The following PHF7 variants were observed in gnomAD, a reference collection of about 807,000 sequenced individuals.
The protein encoded by PHF7 is PHD finger protein 7, also known as E3 ubiquitin-protein ligase PHF7.
In PHF7, 24 loss-of-function variants were observed where a neutral mutation model predicts 47.5. The ratio of observed to expected loss-of-function variants is 0.51; its 90% CI spans 0.37 to 0.71. The LOEUF is 0.71. PHF7 is among the 30% of genes least tolerant of loss of function. The pLI is 0.00. For synonymous variants in PHF7, 156 were observed against 153.8 expected, an observed-to-expected ratio of 1.01 and a Z score of -0.11; for missense variants, 361 against 456.8, an observed-to-expected ratio of 0.79 and a Z score of 1.91.
At chr3:52,412,724 G>A in intron 1 of PHF7, 87 bp from the exon 2 acceptor site, 1 of 642,818 alleles carries the variant, frequency 1.6e-6, no homozygotes, top group Non-Finnish European at 2.8e-6. Context: ...GGGTTGGGAG[G>A]TGAAGTGCAC....
chr3:52,413,168 C>T (rs1217945001), intron 2 of PHF7, among the ~76,000 whole-genome samples: 1 of 152,160 alleles, frequency 6.6e-6, no homozygotes, highest in African/African-American at 2.4e-5. Context: ...TGACAGAAGG[C>T]ACTACATTTC....
intron 2 of PHF7, 103 bp from the exon 3 acceptor site, chr3:52,413,893 G>C: frequency 1.3e-6 from 1 of 751,478 alleles, no homozygotes; most frequent in Non-Finnish European, 2.4e-6. Flanking sequence ...TAGATATGTT[G>C]GTCCTTCATC....
intron 5 of PHF7, 183 bp from the exon 6 acceptor site, chr3:52,420,128 A>G: frequency 1.2e-6 from 1 of 805,522 alleles, no homozygotes; most frequent in Non-Finnish European, 2.2e-6. Flanking sequence ...ACATCTTGAG[A>G]AAATAGGAAA....
chr3:52,423,347 A>C lies in PHF7; in HGVS notation c.*30A>C. 7.0e-7 allele frequency: 1 copy of C among 1,420,954 alleles called. No homozygotes were observed. The highest frequency in any genetic ancestry group is 9.9e-7 in the Non-Finnish European group (1 of 1,009,136). The allele number at this position is 1,420,954 out of a possible 1,614,324, so 88.0% of individuals were successfully genotyped here. A position where few individuals can be genotyped will look rare whatever the true frequency, so the allele number is the denominator to read the frequency against. ...TTCTGAGTAGCTGCTGTCCCACACA[A>C]TAGGGTATGAAGCTGCGCTCCTCCA... On this transcript the variant is annotated 3_prime_UTR_variant, in exon 11 of 11. Coordinates refer to ENST00000327906, the MANE Select transcript of PHF7 (RefSeq NM_016483.7).
At position 52,410,914 on chromosome 3, in the gene PHF7, C is replaced by G. The variant is rs1335989931; in HGVS notation, c.-403C>G. ...GCGGGATGCTCCTTAAGCCCCTTCT[C>G]CGGCTGTTAACCTCCGGGGAACGGT... is the stretch of plus-strand genomic sequence containing the variant. On this transcript the variant is annotated 5_prime_UTR_variant, in exon 1 of 11. Coordinates refer to ENST00000327906, the MANE Select transcript of PHF7 (RefSeq NM_016483.7). 2 of 152,300 alleles carry G rather than the reference C, an allele frequency of 1.3e-5. No homozygotes were observed. The highest frequency in any genetic ancestry group is 4.8e-5 in the African/African-American group (2 of 41,470). 9.4% of individuals were successfully genotyped at this position (152,300 alleles called of 1,614,324 possible).
chr3:52,422,657 G>T, intron 9 of PHF7, 103 bp from the exon 10 acceptor site: 1 of 1,211,264 alleles, frequency 8.3e-7, no homozygotes, highest in South Asian at 1.3e-5. Context: ...CATTCATCTT[G>T]GGTAAAATGT....
At chr3:52,416,785 A>T (rs1318540145) in intron 4 of PHF7, among the ~76,000 whole-genome samples, 3 of 150,640 alleles carry the variant, frequency 2.0e-5, no homozygotes, top group Admixed American at 2.0e-4. Flanking sequence ...GTGAGCCGAG[A>T]TCACGCCACT....
chr3:52,413,277 G>A (rs751721757), intron 2 of PHF7, among the ~76,000 whole-genome samples: 4 of 152,152 alleles, frequency 2.6e-5, no homozygotes, highest in Admixed American at 6.5e-5. Context: ...GATTAATTGA[G>A]CCAATACATG....
At chr3:52,417,532 C>T (rs1705661326) in intron 4 of PHF7, among the ~76,000 whole-genome samples, 1 of 152,092 alleles carries the variant, frequency 6.6e-6, no homozygotes, top group Non-Finnish European at 1.5e-5. Flanking sequence ...CCTAAATATT[C>T]TGTGGTTATG....
intron 9 of PHF7, 100 bp from the exon 10 acceptor site, chr3:52,422,660 T>A (rs995001309): frequency 2.9e-5 from 37 of 1,262,518 alleles, no homozygotes; most frequent in Non-Finnish European, 4.3e-5. Context: ...TCATCTTGGG[T>A]AAAATGTGCT....
Position 52,412,924 on chromosome 3 carries a change from G to A in PHF7, c.41+4G>A. ...AGAAGGAATGCCAGAGATTGAGGTA[G>A]AAGTAGTTGACATAGGGAATTTGGG... On this transcript the variant is annotated splice_donor_region_variant and intron_variant, in intron 2 of 10. Coordinates refer to ENST00000327906, the MANE Select transcript of PHF7 (RefSeq NM_016483.7). 6.2e-7 allele frequency: 1 copy of A among 1,606,816 alleles called. No homozygotes were observed. The highest frequency in any genetic ancestry group is 8.5e-7 in the Non-Finnish European group (1 of 1,174,204).
chr3:52,422,740 T>G lies in PHF7; in HGVS notation c.798-20T>G, dbSNP rs1206106830. 11 of 1,613,778 alleles carry G rather than the reference T, an allele frequency of 6.8e-6. No homozygotes were observed. The Admixed American group carries it at 1.5e-4, about 22-fold the overall frequency. ...GGTGTTCTGTATGTCTCCACAACCC[T>G]TCCTGGGCTCTTCCTCTAGGAGGTG... On this transcript the variant is annotated intron_variant, in intron 9 of 10. Transcript: ENST00000327906.
chr3:52,420,473 C>T, intron 6 of PHF7, 38 bp downstream of exon 6: 1 of 1,608,952 alleles, frequency 6.2e-7, no homozygotes. Context: ...TTCCTTTTTG[C>T]AACTTATTAT....
chr3:52,420,328 GA>G lies in PHF7; in HGVS notation c.311del (p.Lys104ArgfsTer115). On this transcript the variant is annotated frameshift_variant, in exon 6 of 11. Transcript: ENST00000327906. LOFTEE classifies it high-confidence loss of function. ...ASRKICFVCK[K>X]KGAAINCQKD... ...ATTTGCAGATCTGCTTTGTGTGCAA[GA>G]AAAAGGGAGCTGCTATCAACTGCCA... 1 of 1,614,018 alleles carries G rather than the reference GA, an allele frequency of 6.2e-7. No individual in the cohort carries two copies. Among genetic ancestry groups the G allele is most frequent in the Non-Finnish European group, 8.5e-7 (1 of 1,179,878 alleles).
intron 4 of PHF7, 55 bp from the exon 5 acceptor site, chr3:52,419,777 AC>A: frequency 1.0e-6 from 1 of 966,296 alleles, no homozygotes; most frequent in Non-Finnish European, 1.6e-6. Context: ...TCCTCACCTC[AC>A]TGCACTGTTT....
In PHF7 at chr3:52,413,985, C is replaced by T. The variant is rs777512443; in HGVS notation, c.42-11C>T. ...AAAGAACACCTTGTGCTTCTTATTT[C>T]TCTTGTATAGAAAATCTGCCAAGAC... On this transcript the variant is annotated splice_polypyrimidine_tract_variant and intron_variant, in intron 2 of 10. Coordinates refer to ENST00000327906, the MANE Select transcript of PHF7 (RefSeq NM_016483.7). 38 of 1,588,646 alleles carry T rather than the reference C, an allele frequency of 2.4e-5. No homozygotes were observed. The highest frequency in any genetic ancestry group is 1.7e-4 in the Middle Eastern group (1 of 6,030).
Position 52,423,328 on chromosome 3 carries a change from G to A in PHF7, c.*11G>A, listed in dbSNP as rs780858384. On this transcript the variant is annotated 3_prime_UTR_variant, in exon 11 of 11. Coordinates refer to ENST00000327906, the MANE Select transcript of PHF7 (RefSeq NM_016483.7). ...AAAAAATCCAAGTAACACCTTCTGAGTAGCTGCTGTCCCACACAATAGGGT... is the reference window on the plus strand; with the variant it reads ...AAAAAATCCAAGTAACACCTTCTGAATAGCTGCTGTCCCACACAATAGGGT... The A allele has an allele frequency of 7.1e-6, 11 of 1,555,172 alleles. No homozygotes were observed. The highest frequency in any genetic ancestry group is 9.8e-6 in the Non-Finnish European group (11 of 1,127,600).
Position 52,423,132 on chromosome 3 carries a change from A to G in PHF7, c.961A>G (p.Ser321Gly), listed in dbSNP as rs763087203. ...ENSGDIPCCS[S>G]TFHPEEHFCR... ...CTCAGGGGACATCCCTTGCTGCAGC[A>G]GCACCTTCCACCCTGAGGAACATTT... The change falls in exon 11 of 11, where the codon AGC (serine) becomes GGC (glycine). Residue 321 changes from serine (S) to glycine (G), a missense_variant. Coordinates refer to ENST00000327906, the MANE Select transcript of PHF7 (RefSeq NM_016483.7). The G allele has an allele frequency of 6.2e-7, 1 of 1,614,022 alleles. No homozygotes were observed. The highest frequency in any genetic ancestry group is 1.1e-5 in the South Asian group (1 of 91,076).
At chr3:52,417,010 G>A (rs2153229046) in intron 4 of PHF7, among the ~76,000 whole-genome samples, 1 of 72,794 alleles carries the variant, frequency 1.4e-5, no homozygotes, top group African/African-American at 6.0e-5. Flanking sequence ...AATTGTAATG[G>A]AGCCCAGTTT....
Sources: gnomAD v4.1 joint callset for allele counts (sites outside exome capture counted in the v4.1 genomes callset) on GRCh38, gnomAD v4.1.1 for gene constraint, MANE v1.5 for transcripts, NCBI Gene and HGNC (gene_info 2026-07-23, HGNC 2026-07-21) for gene names.